PCDHGA3: variants seen among roughly 807,000 people sequenced by gnomAD.
PCDHGA3 encodes the protein protocadherin gamma subfamily A, 3.
In PCDHGA3, 40 loss-of-function variants were observed where a neutral mutation model predicts 58.5. The ratio of observed to expected loss-of-function variants is 0.68; its 90% CI spans 0.53 to 0.89. PCDHGA3 has a LOEUF of 0.89. Among genes scored for constraint, PCDHGA3 ranks in the 40% least tolerant of loss-of-function variants. PCDHGA3 has a pLI of 0.00. For missense variants in PCDHGA3, 1,223 were observed against 1,195.9 expected, an observed-to-expected ratio of 1.02 and a Z score of -0.33; for synonymous variants, 530 against 525.7, an observed-to-expected ratio of 1.01 and a Z score of -0.11.
intron 1 of PCDHGA3, chr5:141,394,727 C>T (rs971156422): frequency 1.2e-6 from 2 of 1,613,318 alleles, no homozygotes; most frequent in African/African-American, 1.3e-5. Context: ...GAGATGCGCT[C>T]AAGCAGAGCC....
At chr5:141,359,102 AT>A (rs572394227) in intron 1 of PCDHGA3, among the ~76,000 whole-genome samples, 16 of 152,350 alleles carry the variant, frequency 1.1e-4, no homozygotes, top group African/African-American at 3.6e-4. Flanking sequence ...ATGGTTTTGT[AT>A]TCATAGAAAG....
intron 1 of PCDHGA3, chr5:141,408,715 G>T: frequency 1.9e-6 from 3 of 1,612,078 alleles, no homozygotes; most frequent in Non-Finnish European, 2.5e-6. Flanking sequence ...AAGATTATAA[G>T]ATAAACTCTA....
intron 1 of PCDHGA3, chr5:141,395,935 A>T (rs950567838): frequency 6.6e-6 from 1 of 152,118 alleles, no homozygotes; most frequent in Non-Finnish European, 1.5e-5. Context: ...TAGAATGTCC[A>T]TTGCTCCCCC....
intron 1 of PCDHGA3, chr5:141,352,330 G>A: frequency 6.2e-7 from 1 of 1,614,056 alleles, no homozygotes; most frequent in Non-Finnish European, 8.5e-7. Context: ...ACCTGGTTGT[G>A]GCCTTGGCCT....
Position 141,357,576 on chromosome 5 carries a change from G to A in PCDHGA3, c.2424+11119G>A, listed in dbSNP as rs781394563. ...GTTGTGAGAAAAGCGAGCCTCTTCT[G>A]ATAACTCAGGATTTACTTGAAACAA... On this transcript the variant is annotated intron_variant, in intron 1 of 3. Coordinates refer to ENST00000253812, the MANE Select transcript of PCDHGA3 (RefSeq NM_018916.4). 3.1e-6 allele frequency: 5 copies of A among 1,614,056 alleles called. No homozygotes were observed. The African/African-American group carries it at 5.3e-5, about 17-fold the overall frequency.
chr5:141,437,444 G>A (rs957088733), intron 1 of PCDHGA3, among the ~76,000 whole-genome samples: 26 of 152,212 alleles, frequency 1.7e-4, no homozygotes, highest in Admixed American at 2.0e-4. Context: ...GCATAGGAAT[G>A]TTGAGGAGAC....
At chr5:141,387,816 C>T (rs1376270603) in intron 1 of PCDHGA3, 3 of 1,539,164 alleles carry the variant, frequency 1.9e-6, no homozygotes, top group African/African-American at 1.4e-5. Flanking sequence ...ATCCAAAAAT[C>T]TGCAATACAG....
intron 1 of PCDHGA3, among the ~76,000 whole-genome samples, chr5:141,439,398 T>C (rs2098110369): frequency 6.6e-6 from 1 of 152,212 alleles, no homozygotes; most frequent in Admixed American, 6.5e-5. Context: ...TTCGACTTCA[T>C]GTGCTAACAT....
At chr5:141,482,116 T>C (rs1017195289) in intron 1 of PCDHGA3, among the ~76,000 whole-genome samples, 4 of 150,222 alleles carry the variant, frequency 2.7e-5, no homozygotes, top group South Asian at 2.1e-4. Context: ...TATCTAGAGA[T>C]GGGAGAATCA....
At chr5:141,385,250 G>A (rs1448897004) in intron 1 of PCDHGA3, 2 of 1,613,820 alleles carry the variant, frequency 1.2e-6, no homozygotes, top group Admixed American at 1.7e-5. Flanking sequence ...AGCCAGGAGA[G>A]CTGTGAGAAA....
chr5:141,393,127 A>T (rs766823317), intron 1 of PCDHGA3: 14 of 1,613,320 alleles, frequency 8.7e-6, no homozygotes, highest in Non-Finnish European at 1.2e-5. Flanking sequence ...TGTCTGATAA[A>T]TATTAACACC....
intron 1 of PCDHGA3, among the ~76,000 whole-genome samples, chr5:141,407,274 A>G (rs763803896): frequency 2.0e-5 from 3 of 152,232 alleles, no homozygotes; most frequent in Non-Finnish European, 2.9e-5. Context: ...GCAACAAGAA[A>G]ATTGTTACAA....
In PCDHGA3 at chr5:141,408,872, G is replaced by T. The variant is rs752537671; in HGVS notation, c.2424+62415G>T. 3.1e-6 allele frequency: 5 copies of T among 1,613,448 alleles called. No individual in the cohort carries two copies. The highest frequency in any genetic ancestry group is 4.2e-6 in the Non-Finnish European group (5 of 1,179,760). Reference sequence around the variant, plus strand: ...GGACGGAGGGGACCCACCAAGAAGTGCCACCGCTCACATAGAAATTTCTGT... The same window carrying T: ...GGACGGAGGGGACCCACCAAGAAGTTCCACCGCTCACATAGAAATTTCTGT... On this transcript the variant is annotated intron_variant, in intron 1 of 3. Transcript: ENST00000253812.
intron 1 of PCDHGA3, chr5:141,403,981 T>C (rs374013287): frequency 1.4e-5 from 23 of 1,613,600 alleles, no homozygotes; most frequent in Admixed American, 1.2e-4. Flanking sequence ...TAAATGACAA[T>C]AGACCTGAAG....
Position 141,346,081 on chromosome 5 carries a change from A to G in PCDHGA3, c.2048A>G (p.Lys683Arg), listed in dbSNP as rs200571439. 2 of 1,613,524 alleles carry G rather than the reference A, an allele frequency of 1.2e-6. No homozygotes were observed. Among genetic ancestry groups the G allele is most frequent in the South Asian group, 2.2e-5 (2 of 91,030 alleles). ...ADLGSLEPSA[K>R]PNDSDLTLYL... is the part of the protein sequence containing the mutation. Reference sequence around the variant, plus strand: ...CTGGGCAGCCTCGAGCCCTCCGCCAAACCCAACGATTCGGACCTCACTCTG... The same window carrying G: ...CTGGGCAGCCTCGAGCCCTCCGCCAGACCCAACGATTCGGACCTCACTCTG... Residue 683 changes from lysine to arginine, a missense_variant, in exon 1 of 4, where the codon AAA becomes AGA. By Grantham distance (26) the Lys-to-Arg change is conservative. Coordinates refer to ENST00000253812, the MANE Select transcript of PCDHGA3 (RefSeq NM_018916.4).
chr5:141,372,392 T>C (rs1768728273), intron 1 of PCDHGA3: 25 of 1,614,052 alleles, frequency 1.5e-5, no homozygotes, highest in Non-Finnish European at 2.1e-5. Context: ...TCTTCGCAGA[T>C]AGCTTGCAAG....
intron 1 of PCDHGA3, chr5:141,478,160 G>GC (rs764598056): frequency 3.7e-6 from 6 of 1,613,948 alleles, no homozygotes. Flanking sequence ...CTCTGGCTCT[G>GC]CCCCCCGGGA....
At chr5:141,376,684 T>TTTTTTTTTTG in intron 1 of PCDHGA3, 1 of 809,294 alleles carries the variant, frequency 1.2e-6, no homozygotes, top group African/African-American at 1.9e-5. Flanking sequence ...TCGTTTTTTT[T>TTTTTTTTTTG]TTTTTTTTTT....
At chr5:141,405,047 G>T (rs754907464) in intron 1 of PCDHGA3, 1 of 1,613,944 alleles carries the variant, frequency 6.2e-7, no homozygotes, top group Non-Finnish European at 8.5e-7. Flanking sequence ...GGCTGTGGCA[G>T]TCGTCTCCTG....
Sources: gnomAD v4.1 joint callset for allele counts (sites outside exome capture counted in the v4.1 genomes callset) on GRCh38, gnomAD v4.1.1 for gene constraint, MANE v1.5 for transcripts, NCBI Gene and HGNC (gene_info 2026-07-23, HGNC 2026-07-21) for gene names.